Variants in MEIS3 observed in about 807,000 individuals in gnomAD.
The protein encoded by MEIS3 is homeobox protein Meis3.
A neutral mutation model predicts 51.4 loss-of-function variants in MEIS3; 38 were observed. That is an observed-to-expected ratio of 0.74 (90% CI 0.57 to 0.97). The LOEUF is 0.97. MEIS3 is among the 50% of genes least tolerant of loss of function. The probability of loss-of-function intolerance (pLI) is 0.00; values close to 1 mark genes in which losing one functional copy is unlikely to be tolerated. For missense variants in MEIS3, 456 were observed against 502.6 expected (o/e 0.91, Z 0.89); for synonymous variants, 198 against 201.8 (o/e 0.98, Z 0.16).
intron 6 of MEIS3, among the ~76,000 whole-genome samples, chr19:47,411,061 C>T (rs1028296186): frequency 4.6e-5 from 7 of 152,002 alleles, no homozygotes; most frequent in African/African-American, 1.2e-4. Context: ...CTCAGTCTCC[C>T]GAGTAGCTGG....
rs1453117486 is a variant in MEIS3, at chr19:47,406,874, G to A, written c.1078+14C>T. The A allele has an allele frequency of 3.2e-6, 5 of 1,560,638 alleles. No individual in the cohort carries two copies. In the East Asian group the frequency reaches 1.2e-4, roughly 37 times the overall value. On this transcript the variant is annotated intron_variant, in intron 11 of 12. Coordinates refer to ENST00000558555, the MANE Select transcript of MEIS3 (RefSeq NM_001301059.2). ...TGCGCAGGGGCGGGGCCTAGCTAAG[G>A]GGGCGAGGCTTACCCGGAGGCCGGA...
chr19:47,406,392 C>T, intron 12 of MEIS3, 68 bp downstream of exon 12: 1 of 1,406,282 alleles, frequency 7.1e-7, no homozygotes, highest in Non-Finnish European at 1.0e-6. Flanking sequence ...GAAGTGCCCA[C>T]TCTTGGAGTC....
In MEIS3 at chr19:47,404,518, G is replaced by A. The variant is rs372131811; in HGVS notation, c.*18-965C>T. Among the ~76,000 whole-genome samples the A allele has an allele frequency of 2.7e-3, 414 of 152,272 alleles. 1 individual carries two copies. The highest frequency in any genetic ancestry group is 4.7e-3 in the Non-Finnish European group (323 of 68,000). ...AGTCCAAAGAGAACTTCCTCCTTGT[G>A]TGTAGGGGGCTGGGGCTGTCTCACA... On this transcript the variant is annotated intron_variant, in intron 12 of 12. Transcript: ENST00000558555.
chr19:47,407,455 G>A (rs752628672), intron 8 of MEIS3, 27 bp from the exon 9 acceptor site: 1 of 1,613,766 alleles, frequency 6.2e-7, no homozygotes, highest in Admixed American at 1.7e-5. Context: ...GAGTCACTCT[G>A]CCTGCCTGGC....
At chr19:47,410,747 CAG>C (rs1971093714) in intron 6 of MEIS3, among the ~76,000 whole-genome samples, 1 of 152,030 alleles carries the variant, frequency 6.6e-6, no homozygotes, top group South Asian at 2.1e-4. Context: ...GCCTGGGTGA[CAG>C]AGTGAGACTC....
chr19:47,406,490 C>A lies in MEIS3; in HGVS notation c.1115G>T (p.Trp372Leu). 1 of 1,613,860 alleles carries A rather than the reference C, an allele frequency of 6.2e-7. No homozygotes were observed. Among genetic ancestry groups the A allele is most frequent in the Non-Finnish European group, 8.5e-7 (1 of 1,179,926 alleles). The change falls in exon 12 of 13, where the codon TGG becomes TTG. Residue 372 changes from tryptophan to leucine, a missense_variant. Coordinates refer to ENST00000558555, the MANE Select transcript of MEIS3 (RefSeq NM_001301059.2). ...VGMSLNLEGE[W>L]HYL ...CTGCATCAGCCTCTATAGATAATGCCATTCTCCTTCCAAGTTCAAACTCAT... is the reference window on the plus strand; with the variant it reads ...CTGCATCAGCCTCTATAGATAATGCAATTCTCCTTCCAAGTTCAAACTCAT...
chr19:47,414,903 C>T (rs770716904), intron 5 of MEIS3, 37 bp from the exon 6 acceptor site: 14 of 497,726 alleles, frequency 2.8e-5, no homozygotes, highest in African/African-American at 1.7e-4. Context: ...GGGCCACCCA[C>T]GGGGGCAGGG....
Position 47,412,758 on chromosome 19 carries a change from C to T in MEIS3, c.597+1959G>A, listed in dbSNP as rs189745206. On this transcript the variant is annotated intron_variant, in intron 6 of 12. Coordinates refer to ENST00000558555, the MANE Select transcript of MEIS3 (RefSeq NM_001301059.2). ...TTGTTTTTTTTATGTTTAGTAGAGA[C>T]GGGGTTTCACCATGTTGGCCTGGCT... 5.9e-5 allele frequency among the ~76,000 whole-genome samples: 9 copies of T among 152,042 alleles called. No homozygotes were observed. The East Asian group carries it at 7.8e-4, about 13-fold the overall frequency.
At position 47,403,562 on chromosome 19, in the gene MEIS3, A is replaced by G; in HGVS notation, c.*18-9T>C. ...ACAGCCGGAGGCTGGGTCTGTGGAG[A>G]GGGGAGGAGAGGCCAAGTCAGGAGC... On this transcript the variant is annotated splice_polypyrimidine_tract_variant and intron_variant, in intron 12 of 12. Coordinates refer to ENST00000558555, the MANE Select transcript of MEIS3 (RefSeq NM_001301059.2). 2.3e-6 allele frequency: 1 copy of G among 432,468 alleles called. No homozygotes were observed. Among genetic ancestry groups the G allele is most frequent in the Non-Finnish European group, 4.6e-6 (1 of 215,838 alleles). The allele number at this position is 432,468 out of a possible 1,614,324, so 26.8% of individuals were successfully genotyped here. A position where few individuals can be genotyped will look rare whatever the true frequency, so the allele number is the denominator to read the frequency against.
In MEIS3 at chr19:47,409,427, G is replaced by T; in HGVS notation, c.709+9C>A. On this transcript the variant is annotated intron_variant, in intron 7 of 12. Transcript: ENST00000558555. ...CCCATGTTTCCCTTCCACCTCCCAA[G>T]ATTCTCACCTTGGTCACTGGAGTTG... is the stretch of plus-strand genomic sequence containing the variant. 6.2e-7 allele frequency: 1 copy of T among 1,609,678 alleles called. No individual in the cohort carries two copies.
chr19:47,420,866 C>T (rs1053895975), upstream of MEIS3, among the ~76,000 whole-genome samples: 4 of 141,934 alleles, frequency 2.8e-5, no homozygotes, highest in South Asian at 2.4e-4. Context: ...TCTGTCCATC[C>T]GTCTGTCTGT....
At chr19:47,406,573 C>T (rs374296132) in intron 11 of MEIS3, 47 bp from the exon 12 acceptor site, 152 of 1,572,014 alleles carry the variant, frequency 9.7e-5, no homozygotes, top group Non-Finnish European at 1.3e-4. Flanking sequence ...TCAGAGACAC[C>T]CCCAGATGCC....
intron 6 of MEIS3, among the ~76,000 whole-genome samples, chr19:47,411,288 CATCCTAGG>C (rs780810953): frequency 2.6e-5 from 4 of 152,166 alleles, no homozygotes; most frequent in African/African-American, 4.8e-5. Context: ...AGTTCGCAAC[CATCCTAGG>C]CAGGGTCTGG....
rs1316358042 is a variant in MEIS3, at chr19:47,415,062, C to T, written c.436G>A (p.Glu146Lys). The T allele has an allele frequency of 6.4e-7, 1 of 1,558,476 alleles. No homozygotes were observed. The highest frequency in any genetic ancestry group is 8.6e-7 in the Non-Finnish European group (1 of 1,156,158). Residue 146 changes from glutamate (E) to lysine (K), a missense_variant, in exon 5 of 13, where the codon GAG becomes AAG. Coordinates refer to ENST00000558555, the MANE Select transcript of MEIS3 (RefSeq NM_001301059.2). ...TGAGACGCGCTCACCTTCTCCAGCT[C>T]CAGCAGGTGGAACCGCAGCACCTGG... ...AIQVLRFHLL[E>K]LEKVHDLCDN...
Position 47,409,465 on chromosome 19 carries a change from G to A in MEIS3, c.680C>T (p.Ser227Phe), listed in dbSNP as rs267605555. 1 of 1,614,094 alleles carries A rather than the reference G, an allele frequency of 6.2e-7. No individual in the cohort carries two copies. The highest frequency in any genetic ancestry group is 8.5e-7 in the Non-Finnish European group (1 of 1,179,970). The change falls in exon 7 of 13, where the codon TCC (serine) becomes TTC (phenylalanine). Residue 227 changes from serine (S) to phenylalanine (F), a missense_variant. Ser to Phe is a radical substitution (Grantham distance 155). Coordinates refer to ENST00000558555, the MANE Select transcript of MEIS3 (RefSeq NM_001301059.2). ...TPGPSSGGLA[S>F]QSGDNSSDQG... ...GTCACTGGAGTTGTCCCCACTCTGG[G>A]AGGCCAGGCCCCCACTGGATGGACC...
chr19:47,418,366 G>A (rs910228615), intron 1 of MEIS3: 67 of 153,170 alleles, frequency 4.4e-4, no homozygotes, highest in African/African-American at 1.3e-3. Context: ...CTTCTCCTGT[G>A]CCCTGAAGTT....
At position 47,414,720 on chromosome 19, in the gene MEIS3, G is replaced by A; in HGVS notation, c.594C>T (p.Asp198=). The change falls in exon 6 of 13, where the codon GAC becomes GAT. Residue 198 remains aspartate, a synonymous_variant. Transcript: ENST00000558555. ...CTGGTGCCCGTCCCGGGCCCACCTG[G>A]TCTGGGAGGCTGGGGCAGGAGGCTG... is the stretch of plus-strand genomic sequence containing the variant. ...DYPASCPSLP[D]QNNMWIRDHE... 2 of 1,598,250 alleles carry A rather than the reference G, an allele frequency of 1.3e-6. No homozygotes were observed. Among genetic ancestry groups the A allele is most frequent in the Non-Finnish European group, 1.7e-6 (2 of 1,173,276 alleles).
chr19:47,407,848 G>A (rs1164287461), intron 8 of MEIS3, among the ~76,000 whole-genome samples: 1 of 152,008 alleles, frequency 6.6e-6, no homozygotes, highest in Non-Finnish European at 1.5e-5. Context: ...TTGCTCTGTC[G>A]CCAGGCTGGA....
upstream of MEIS3, among the ~76,000 whole-genome samples, chr19:47,420,644 T>C (rs1050010432): frequency 7.3e-6 from 1 of 137,572 alleles, no homozygotes; most frequent in African/African-American, 2.9e-5. Context: ...GACCCTGGAG[T>C]CGTCCCTGCC....
Sources: gnomAD v4.1 joint callset for allele counts (sites outside exome capture counted in the v4.1 genomes callset) on GRCh38, gnomAD v4.1.1 for gene constraint, MANE v1.5 for transcripts, NCBI Gene and HGNC (gene_info 2026-07-23, HGNC 2026-07-21) for gene names.